DNAH7: variants seen among roughly 807,000 people sequenced by gnomAD.
DNAH7 encodes the protein dynein axonemal heavy chain 7, also known as axonemal beta dynein heavy chain 7.
Under a neutral mutation model 444.6 loss-of-function variants are expected in DNAH7, and 397 were observed. That is an observed-to-expected ratio of 0.89 (90% CI 0.82 to 0.97). The LOEUF is 0.97. DNAH7 is among the 50% of genes least tolerant of loss of function. The pLI is 0.00. For synonymous variants in DNAH7, 1,636 were observed against 1,624.4 expected, an observed-to-expected ratio of 1.01 and a Z score of -0.17; for missense variants, 4,902 against 4,800.8, an observed-to-expected ratio of 1.02 and a Z score of -0.62.
intron 9 of DNAH7, 138 bp downstream of exon 9, chr2:196,019,032 T>G (rs1280363101): frequency 1.3e-5 from 14 of 1,038,532 alleles, no homozygotes. Context: ...TGTTGTTTAT[T>G]TAAAACCATG....
intron 42 of DNAH7, 86 bp from the exon 43 acceptor site, chr2:195,858,890 G>C (rs1699869289): frequency 8.4e-7 from 1 of 1,191,210 alleles, no homozygotes; most frequent in Admixed American, 2.4e-5. Flanking sequence ...GAGCTTTCTA[G>C]GCTTTTTCAA....
chr2:195,990,847 A>T (rs1693266505), intron 12 of DNAH7, among the ~76,000 whole-genome samples: 1 of 145,494 alleles, frequency 6.9e-6, no homozygotes, highest in African/African-American at 2.5e-5. Flanking sequence ...ACATATATAT[A>T]CTTAAATATA....
chr2:195,888,716 GT>G, intron 32 of DNAH7, 82 bp downstream of exon 32: 1 of 1,371,784 alleles, frequency 7.3e-7, no homozygotes, highest in Non-Finnish European at 9.8e-7. Context: ...AATATTTTTT[GT>G]TTAAAGTCAA....
At chr2:196,046,251 T>C (rs1300960662) in intron 5 of DNAH7, among the ~76,000 whole-genome samples, 1 of 152,186 alleles carries the variant, frequency 6.6e-6, no homozygotes, top group Non-Finnish European at 1.5e-5. Context: ...TGGATTTTCA[T>C]GCCCATATGG....
In DNAH7 at chr2:195,809,745, C is replaced by T. The variant is rs374999067; in HGVS notation, c.9888G>A (p.Ala3296=). 1.1e-5 allele frequency: 17 copies of T among 1,577,444 alleles called. 1 individual carries two copies. The highest frequency in any genetic ancestry group is 1.7e-4 in the Middle Eastern group (1 of 5,946). The change falls in exon 52 of 65, where the codon GCG becomes GCA. Residue 3296 remains alanine (A), a splice_region_variant and synonymous_variant. Transcript: ENST00000312428. ...LTINLLLHER[A]INKAEWRFLL... ...TCTTACAAATGAAAACAGTACTGACCGCCCGCTCATGCAGCAGTAGATTTA... is the reference window on the plus strand; with the variant it reads ...TCTTACAAATGAAAACAGTACTGACTGCCCGCTCATGCAGCAGTAGATTTA...
chr2:195,820,739 C>T (rs570071145), intron 49 of DNAH7, among the ~76,000 whole-genome samples: 4 of 152,078 alleles, frequency 2.6e-5, no homozygotes, highest in Non-Finnish European at 4.4e-5. Flanking sequence ...TTTTGGCATA[C>T]CGAAATCTGA....
intron 25 of DNAH7, 123 bp downstream of exon 25, chr2:195,909,904 C>T: frequency 5.0e-6 from 5 of 993,740 alleles, no homozygotes; most frequent in Non-Finnish European, 7.2e-6. Flanking sequence ...TGAGATAGTG[C>T]TTCAATTTTT....
At chr2:195,830,470 T>TG (rs1698011082) in intron 48 of DNAH7, among the ~76,000 whole-genome samples, 3 of 152,240 alleles carry the variant, frequency 2.0e-5, no homozygotes, top group Non-Finnish European at 4.4e-5. Flanking sequence ...CAACTTATGT[T>TG]CAACTCTGTA....
chr2:196,062,943 C>T lies in DNAH7; in HGVS notation c.16-4827G>A, dbSNP rs144777662. 2.5e-3 allele frequency among the ~76,000 whole-genome samples: 378 copies of T among 152,238 alleles called. 1 individual carries two copies. The highest frequency in any genetic ancestry group is 8.5e-3 in the African/African-American group (353 of 41,530). ...CATCACCCAGGGTGTAGTGCAGTGGCGCAATCTCGGCTCACTGCAACCTCC... is the reference window on the plus strand; with the variant it reads ...CATCACCCAGGGTGTAGTGCAGTGGTGCAATCTCGGCTCACTGCAACCTCC... On this transcript the variant is annotated intron_variant, in intron 1 of 64. Coordinates refer to ENST00000312428, the MANE Select transcript of DNAH7 (RefSeq NM_018897.3).
rs539562007 is a variant in DNAH7, at chr2:195,902,673, A to C, written c.4336-2179T>G. On this transcript the variant is annotated intron_variant, in intron 27 of 64. Transcript: ENST00000312428. ...GTTAGCAATACGGTTGTGGAAAATGATGAAGCAGACATATTTCTGACTAGT... is the reference window on the plus strand; with the variant it reads ...GTTAGCAATACGGTTGTGGAAAATGCTGAAGCAGACATATTTCTGACTAGT... 5.3e-5 allele frequency: 8 copies of C among 152,188 alleles called. No individual in the cohort carries two copies. The South Asian group carries it at 1.7e-3, about 31-fold the overall frequency. The allele number at this position is 152,188 out of a possible 1,614,324, so 9.4% of individuals were successfully genotyped here. A position where few individuals can be genotyped will look rare whatever the true frequency, so the allele number is the denominator to read the frequency against.
At chr2:195,748,858 CGTT>C (rs1162938257) in intron 63 of DNAH7, among the ~76,000 whole-genome samples, 4 of 152,098 alleles carry the variant, frequency 2.6e-5, no homozygotes, top group Non-Finnish European at 5.9e-5. Flanking sequence ...AAGACTTAAA[CGTT>C]AGACCTAAAA....
At chr2:195,948,278 A>G (rs1259255855) in intron 19 of DNAH7, among the ~76,000 whole-genome samples, 2 of 152,188 alleles carry the variant, frequency 1.3e-5, no homozygotes, top group Non-Finnish European at 2.9e-5. Flanking sequence ...TTTGCTGTGC[A>G]GAAGCTCTTT....
intron 50 of DNAH7, 82 bp downstream of exon 50, chr2:195,817,614 A>G (rs1697285472): frequency 7.2e-7 from 1 of 1,394,350 alleles, no homozygotes; most frequent in Non-Finnish European, 9.6e-7. Flanking sequence ...AAATCTAACA[A>G]AAGAGATCTG....
chr2:195,941,766 C>T (rs1689467455), intron 19 of DNAH7, among the ~76,000 whole-genome samples: 2 of 152,080 alleles, frequency 1.3e-5, no homozygotes, highest in South Asian at 2.1e-4. Flanking sequence ...CAGAGTAGAA[C>T]TTAAAACCTC....
At position 195,829,712 on chromosome 2, in the gene DNAH7, AAG is replaced by A. The variant is rs1697966173; in HGVS notation, c.9100+4492_9100+4493del. Among the ~76,000 whole-genome samples the A allele has an allele frequency of 2.0e-5, 3 of 151,972 alleles. No individual in the cohort carries two copies. In the South Asian group the frequency reaches 6.2e-4, roughly 32 times the overall value. ...TTTTTCTTAGTTTTGAAATGTAATT[AAG>A]AGTGTCTATATTAATATATGTAAAA... On this transcript the variant is annotated intron_variant, in intron 48 of 64. Coordinates refer to ENST00000312428, the MANE Select transcript of DNAH7 (RefSeq NM_018897.3).
chr2:195,983,576 T>C (rs1331730087), intron 15 of DNAH7, among the ~76,000 whole-genome samples: 1 of 152,194 alleles, frequency 6.6e-6, no homozygotes, highest in Admixed American at 6.5e-5. Flanking sequence ...AAGCCATTCA[T>C]GAGGGATCCA....
intron 51 of DNAH7, among the ~76,000 whole-genome samples, chr2:195,814,647 A>G (rs1176406167): frequency 6.6e-6 from 1 of 152,228 alleles, no homozygotes; most frequent in Non-Finnish European, 1.5e-5. Context: ...TATTGTTATA[A>G]GCAAGGTAGA....
chr2:195,942,748 G>A (rs1559252589), intron 19 of DNAH7, among the ~76,000 whole-genome samples: 1 of 152,056 alleles, frequency 6.6e-6, no homozygotes, highest in African/African-American at 2.4e-5. Flanking sequence ...GTTAATTGGT[G>A]AGACATGTCA....
intron 48 of DNAH7, among the ~76,000 whole-genome samples, chr2:195,828,477 C>T (rs1047733911): frequency 4.0e-5 from 6 of 151,482 alleles, no homozygotes; most frequent in Admixed American, 6.6e-5. Flanking sequence ...CCCAGCTACT[C>T]GGGAGGCTGA....
Sources: allele counts gnomAD v4.1 joint callset (sites outside exome capture counted in the v4.1 genomes callset), GRCh38; gene constraint gnomAD v4.1.1; transcripts MANE v1.5; gene names NCBI Gene and HGNC (gene_info 2026-07-23, HGNC 2026-07-21).